CDK17: variants seen among roughly 807,000 people sequenced by gnomAD.
CDK17 encodes the protein cyclin dependent kinase 17.
CDK17 carries 24 observed loss-of-function variants against 77.6 expected under a neutral mutation model. The observed-to-expected ratio is 0.31, with a 90% confidence interval of 0.22 to 0.44. The LOEUF (loss-of-function observed/expected upper bound fraction) is 0.44. Among genes scored for constraint, CDK17 ranks in the 20% least tolerant of loss-of-function variants. The probability of loss-of-function intolerance (pLI) is 1.00; values close to 1 mark genes in which losing one functional copy is unlikely to be tolerated. For synonymous variants in CDK17, 203 were observed against 210.4 expected, an observed-to-expected ratio of 0.96 and a Z score of 0.30; for missense variants, 429 against 622.5, an observed-to-expected ratio of 0.69 and a Z score of 3.31.
chr12:96,280,332 A>G, intron 16 of CDK17, 53 bp from the exon 17 acceptor site: 1 of 1,542,070 alleles, frequency 6.5e-7, no homozygotes, highest in East Asian at 2.5e-5. Context: ...TTTATCCCAC[A>G]TACAGTTATT....
Position 96,376,352 on chromosome 12 carries a change from T to C in CDK17, c.-30+23634A>G, listed in dbSNP as rs868229682. ...TATCATGATCCTCACCTAATTCTAA[T>C]AAAGCTTTGAAATACTTAAACCAGA... On this transcript the variant is annotated intron_variant, in intron 1 of 16. Transcript: ENST00000261211. 3.9e-5 allele frequency among the ~76,000 whole-genome samples: 6 copies of C among 152,344 alleles called. No individual in the cohort carries two copies. The South Asian group carries it at 1.2e-3, about 32-fold the overall frequency.
intron 6 of CDK17, 94 bp downstream of exon 6, chr12:96,300,210 C>T (rs576392393): frequency 1.3e-4 from 105 of 835,390 alleles, no homozygotes; most frequent in Non-Finnish European, 1.9e-4. Context: ...TCAGTACTTA[C>T]GTTTTTTCCA....
At chr12:96,310,745 A>G (rs1415029196) in intron 5 of CDK17, among the ~76,000 whole-genome samples, 4 of 150,162 alleles carry the variant, frequency 2.7e-5, no homozygotes, top group Non-Finnish European at 5.9e-5. Context: ...ATACATGTTT[A>G]TTTATCCAGC....
chr12:96,339,007 T>C (rs1234387746), intron 1 of CDK17, among the ~76,000 whole-genome samples: 1 of 152,054 alleles, frequency 6.6e-6, no homozygotes, highest in African/African-American at 2.4e-5. Context: ...CCACTGTGTA[T>C]TTTACAGTTG....
intron 3 of CDK17, among the ~76,000 whole-genome samples, chr12:96,318,557 C>T (rs1280326476): frequency 6.8e-6 from 1 of 146,604 alleles, no homozygotes; most frequent in Non-Finnish European, 1.5e-5. Context: ...AAGTAAAGCT[C>T]TCCTCAGCAA....
chr12:96,283,597 A>T lies in CDK17; in HGVS notation c.1365+6T>A, dbSNP rs1181839634. Reference sequence around the variant, plus strand: ...TATTTAACAATTACTGTAAGAACTGACTTACCTGAAGAAATTTTGTTATCA... The same window carrying T: ...TATTTAACAATTACTGTAAGAACTGTCTTACCTGAAGAAATTTTGTTATCA... On this transcript the variant is annotated splice_donor_region_variant and intron_variant, in intron 14 of 16. Coordinates refer to ENST00000261211, the MANE Select transcript of CDK17 (RefSeq NM_002595.5). 6.4e-7 allele frequency: 1 copy of T among 1,573,488 alleles called. No individual in the cohort carries two copies. Among genetic ancestry groups the T allele is most frequent in the African/African-American group, 1.3e-5 (1 of 74,204 alleles).
intron 1 of CDK17, among the ~76,000 whole-genome samples, chr12:96,343,510 TG>T (rs1387435155): frequency 6.6e-6 from 1 of 152,202 alleles, no homozygotes; most frequent in Non-Finnish European, 1.5e-5. Context: ...TTAGGCCCTC[TG>T]GGGCTACCGG....
At chr12:96,324,692 G>A (rs1187988077) in intron 2 of CDK17, among the ~76,000 whole-genome samples, 10 of 151,976 alleles carry the variant, frequency 6.6e-5, no homozygotes, top group African/African-American at 2.2e-4. Context: ...GCTTGAACCC[G>A]GGTTGCAGAG....
chr12:96,378,163 T>C (rs922154728), intron 1 of CDK17, among the ~76,000 whole-genome samples: 1 of 151,948 alleles, frequency 6.6e-6, no homozygotes, highest in African/African-American at 2.4e-5. Context: ...AGGTGGGGAG[T>C]TGTATTATAC....
Position 96,299,426 on chromosome 12 carries a change from T to G in CDK17, c.601-443A>C, listed in dbSNP as rs909319172. Among the ~76,000 whole-genome samples, 15 of 151,346 alleles carry G rather than the reference T, an allele frequency of 9.9e-5. No homozygotes were observed. The South Asian group carries it at 2.9e-3, about 29-fold the overall frequency. ...TTTTTTTTGAGATGGAGTTTCATTC[T>G]TTCGCCCAGGCTAGAGTGCAGTGGC... On this transcript the variant is annotated intron_variant, in intron 6 of 16. Transcript: ENST00000261211.
intron 2 of CDK17, among the ~76,000 whole-genome samples, chr12:96,324,593 T>C (rs928670278): frequency 2.6e-5 from 4 of 151,812 alleles, no homozygotes; most frequent in African/African-American, 9.7e-5. Flanking sequence ...ATGGTGAAAC[T>C]CCATCTCTAC....
intron 1 of CDK17, among the ~76,000 whole-genome samples, chr12:96,346,473 A>ATAAT (rs1195260393): frequency 6.6e-6 from 1 of 151,786 alleles, no homozygotes; most frequent in Non-Finnish European, 1.5e-5. Flanking sequence ...AAATAAATAA[A>ATAAT]TAAAATTAGC....
At chr12:96,340,066 T>G (rs544238847) in intron 1 of CDK17, among the ~76,000 whole-genome samples, 3 of 152,010 alleles carry the variant, frequency 2.0e-5, no homozygotes, top group East Asian at 3.9e-4. Context: ...ACATATGGGG[T>G]GCACATTACA....
intron 1 of CDK17, among the ~76,000 whole-genome samples, chr12:96,362,587 C>T (rs752588984): frequency 9.6e-5 from 10 of 104,326 alleles, no homozygotes; most frequent in South Asian, 3.0e-4. Flanking sequence ...AATATCCTAT[C>T]TGTAAAACTT....
intron 1 of CDK17, among the ~76,000 whole-genome samples, chr12:96,353,699 A>G (rs994112389): frequency 6.6e-6 from 1 of 152,112 alleles, no homozygotes; most frequent in Non-Finnish European, 1.5e-5. Context: ...CACAAATCAC[A>G]CTGTGAGATT....
intron 3 of CDK17, 117 bp from the exon 4 acceptor site, chr12:96,313,571 TTAC>T: frequency 1.9e-6 from 1 of 525,010 alleles, no homozygotes; most frequent in Non-Finnish European, 3.1e-6. Flanking sequence ...AAAAAGTCAT[TTAC>T]ATTCTGGGTG....
chr12:96,323,814 C>T (rs1188346936), intron 3 of CDK17, 134 bp downstream of exon 3: 1 of 564,630 alleles, frequency 1.8e-6, no homozygotes, highest in Non-Finnish European at 2.9e-6. Flanking sequence ...CATCCTTCTG[C>T]TATTCCTCTT....
intron 3 of CDK17, among the ~76,000 whole-genome samples, chr12:96,317,082 C>T (rs1201724195): frequency 7.6e-6 from 1 of 132,168 alleles, no homozygotes; most frequent in African/African-American, 2.8e-5. Context: ...GAATGTATAA[C>T]TAGAATAACC....
chr12:96,298,669 T>G (rs897932081), intron 7 of CDK17, among the ~76,000 whole-genome samples, 200 bp downstream of exon 7: 1 of 152,252 alleles, frequency 6.6e-6, no homozygotes, highest in African/African-American at 2.4e-5. Flanking sequence ...TAGTGATTTT[T>G]AATGAATTCA....
Sources: gnomAD v4.1 joint callset for allele counts (sites outside exome capture counted in the v4.1 genomes callset) on GRCh38, gnomAD v4.1.1 for gene constraint, MANE v1.5 for transcripts, NCBI Gene and HGNC (gene_info 2026-07-23, HGNC 2026-07-21) for gene names.